The following POR variants were observed in gnomAD, a reference collection of about 807,000 sequenced individuals.
The protein encoded by POR is NADPH--cytochrome P450 reductase.
Under a neutral mutation model 84.0 loss-of-function variants are expected in POR, and 56 were observed. The observed-to-expected ratio is 0.67, with a 90% CI of 0.54 to 0.83. POR has a LOEUF of 0.83. POR is among the 40% of genes least tolerant of loss of function. The pLI, the probability that POR is intolerant of heterozygous loss-of-function variation, is 0.00. For synonymous variants in POR, 414 were observed against 400.5 expected (o/e 1.03, Z -0.40); for missense variants, 938 against 944.3 (o/e 0.99, Z 0.09).
intron 1 of POR, among the ~76,000 whole-genome samples, chr7:75,942,034 C>T (rs1786943599): frequency 6.6e-6 from 1 of 152,066 alleles, no homozygotes; most frequent in South Asian, 2.1e-4. Flanking sequence ...GCCTGGGCAA[C>T]ATGGCTAACC....
intron 10 of POR, 39 bp from the exon 11 acceptor site, chr7:75,984,738 G>A (rs372922176): frequency 1.0e-4 from 167 of 1,594,398 alleles, no homozygotes; most frequent in Non-Finnish European, 1.3e-4. Context: ...CCCAGGAGGC[G>A]GCCGCCTACC....
intron 1 of POR, among the ~76,000 whole-genome samples, chr7:75,950,290 G>A (rs549164995): frequency 9.2e-5 from 14 of 152,254 alleles, no homozygotes; most frequent in African/African-American, 2.6e-4. Flanking sequence ...TCCCAGCGTC[G>A]TCGATTTATT....
chr7:75,924,138 G>A (rs1316148534), intron 1 of POR, among the ~76,000 whole-genome samples: 2 of 152,016 alleles, frequency 1.3e-5, no homozygotes, highest in Non-Finnish European at 2.9e-5. Context: ...ACCAAGCCCG[G>A]GGACATAATT....
chr7:75,919,287 A>G (rs1477138748), intron 1 of POR, among the ~76,000 whole-genome samples: 5 of 152,142 alleles, frequency 3.3e-5, no homozygotes, highest in African/African-American at 1.2e-4. Context: ...TTAGAGCTCT[A>G]CATCTTAAAA....
chr7:75,958,981 T>C (rs1465572617), intron 2 of POR, among the ~76,000 whole-genome samples: 1 of 152,238 alleles, frequency 6.6e-6, no homozygotes, highest in African/African-American at 2.4e-5. Context: ...AAATCTGAAA[T>C]GCTCCAATGA....
chr7:75,968,680 C>T (rs751698444), intron 2 of POR, among the ~76,000 whole-genome samples: 1 of 152,226 alleles, frequency 6.6e-6, no homozygotes, highest in African/African-American at 2.4e-5. Flanking sequence ...GACCTAGAGG[C>T]ACAGGTCCGC....
intron 1 of POR, among the ~76,000 whole-genome samples, chr7:75,932,825 C>T (rs1405826139): frequency 6.6e-6 from 1 of 151,608 alleles, no homozygotes; most frequent in Non-Finnish European, 1.5e-5. Context: ...TGAGACCAGC[C>T]TGGCCAACAT....
intron 1 of POR, among the ~76,000 whole-genome samples, chr7:75,940,506 C>T (rs140008649): frequency 0.01 from 1,465 of 144,830 alleles, 26 homozygotes; most frequent in African/African-American, 0.036. Flanking sequence ...CTCTCGTGGC[C>T]GGGTGCAGTG....
intron 1 of POR, among the ~76,000 whole-genome samples, chr7:75,942,278 T>C (rs782135798): frequency 6.6e-6 from 1 of 152,172 alleles, no homozygotes. Flanking sequence ...TCTGAATTAG[T>C]GTTCCCAAAC....
chr7:75,944,172 G>T (rs560570387), intron 1 of POR, among the ~76,000 whole-genome samples: 1 of 152,060 alleles, frequency 6.6e-6, no homozygotes, highest in Non-Finnish European at 1.5e-5. Flanking sequence ...ACTGAATCTC[G>T]CCTGACAGCA....
At chr7:75,972,822 T>G in intron 3 of POR, 1 of 323,126 alleles carries the variant, frequency 3.1e-6, no homozygotes, top group Non-Finnish European at 6.0e-6. Context: ...CGCTTTGTTT[T>G]TGTTACTTTT....
intron 3 of POR, among the ~76,000 whole-genome samples, chr7:75,978,534 T>G (rs546566039): frequency 6.6e-6 from 1 of 152,276 alleles, no homozygotes; most frequent in Non-Finnish European, 1.5e-5. Context: ...GTTTTTTGGG[T>G]TTTTTTGTGA....
intron 1 of POR, among the ~76,000 whole-genome samples, chr7:75,921,881 A>G (rs553359196): frequency 6.6e-6 from 1 of 151,630 alleles, no homozygotes; most frequent in East Asian, 2.0e-4. Context: ...TAATTTTTGT[A>G]TTTCTAGTAG....
At chr7:75,970,205 G>A (rs1228314027) in intron 2 of POR, among the ~76,000 whole-genome samples, 1 of 152,056 alleles carries the variant, frequency 6.6e-6, no homozygotes. Flanking sequence ...CCCTTACTCA[G>A]GGTGTAGCTA....
At chr7:75,924,841 G>A (rs910760459) in intron 1 of POR, among the ~76,000 whole-genome samples, 5 of 152,188 alleles carry the variant, frequency 3.3e-5, no homozygotes, top group Admixed American at 1.3e-4. Context: ...TGTAACCAAC[G>A]TAGCACTGTG....
intron 1 of POR, among the ~76,000 whole-genome samples, chr7:75,949,862 CTT>C (rs1246278311): frequency 7.2e-5 from 10 of 139,816 alleles, no homozygotes; most frequent in Non-Finnish European, 7.9e-5. Context: ...ACCTGACTTA[CTT>C]TTTTTTTTTT....
chr7:75,985,787 C>G lies in POR; in HGVS notation c.1607C>G (p.Pro536Arg). The G allele has an allele frequency of 6.4e-7, 1 of 1,571,052 alleles. No homozygotes were observed. The highest frequency in any genetic ancestry group is 8.6e-7 in the Non-Finnish European group (1 of 1,158,866). Residue 536 changes from proline (P) to arginine (R), a missense_variant, in exon 13 of 16, where the codon CCC becomes CGC. Physicochemically the swap from Pro to Arg is moderately radical, Grantham distance 103. Transcript: ENST00000461988. ...ACCACGCCTGTCATCATGGTGGGCCCCGGCACCGGGGTGGCACCCTTCATA... is the reference window on the plus strand; with the variant it reads ...ACCACGCCTGTCATCATGGTGGGCCGCGGCACCGGGGTGGCACCCTTCATA...
chr7:75,962,508 A>G lies in POR; in HGVS notation c.188+8328A>G, dbSNP rs115157445. 6.7e-3 allele frequency among the ~76,000 whole-genome samples: 1,016 copies of G among 152,312 alleles called. 16 individuals carry two copies. Among genetic ancestry groups the G allele is most frequent in the African/African-American group, 0.023 (951 of 41,556 alleles). ...GAGACAAAGTCTCACTATGTTGCCCAGGCTGGTCTTGTTCGAACGTCTGAG... is the reference window on the plus strand; with the variant it reads ...GAGACAAAGTCTCACTATGTTGCCCGGGCTGGTCTTGTTCGAACGTCTGAG... On this transcript the variant is annotated intron_variant, in intron 2 of 15. Transcript: ENST00000461988.
intron 12 of POR, 140 bp from the exon 13 acceptor site, chr7:75,985,439 A>AT: frequency 2.5e-6 from 3 of 1,183,760 alleles, no homozygotes; most frequent in Non-Finnish European, 3.4e-6. Flanking sequence ...GCCGCTGGGG[A>AT]GGGGGCCTCT....
Sources: allele counts gnomAD v4.1 joint callset (sites outside exome capture counted in the v4.1 genomes callset), GRCh38; gene constraint gnomAD v4.1.1; transcripts MANE v1.5; gene names NCBI Gene and HGNC (gene_info 2026-07-23, HGNC 2026-07-21).